GALNTL6: variants seen among roughly 807,000 people sequenced by gnomAD.
The protein encoded by GALNTL6 is polypeptide N-acetylgalactosaminyltransferase like 6, also known as polypeptide N-acetylgalactosaminyltransferase-like 6.
Under a neutral mutation model 73.7 loss-of-function variants are expected in GALNTL6, and 46 were observed. That is an observed-to-expected ratio of 0.62 (90% CI 0.49 to 0.80). The LOEUF (loss-of-function observed/expected upper bound fraction) is 0.80, where lower values mean the gene tolerates loss of function less well. Among genes scored for constraint, GALNTL6 ranks in the 30% least tolerant of loss-of-function variants. GALNTL6 has a pLI of 0.00. For missense variants in GALNTL6, 604 were observed against 755.0 expected, an observed-to-expected ratio of 0.80 and a Z score of 2.34; for synonymous variants, 259 against 263.7, an observed-to-expected ratio of 0.98 and a Z score of 0.17.
chr4:172,127,140 C>T (rs573131184), intron 2 of GALNTL6, among the ~76,000 whole-genome samples: 1 of 152,298 alleles, frequency 6.6e-6, no homozygotes, highest in South Asian at 2.1e-4. Context: ...GCCACTGCCA[C>T]CCCTACTCAA....
chr4:172,609,295 C>G (rs923666846), intron 5 of GALNTL6, among the ~76,000 whole-genome samples: 6 of 152,080 alleles, frequency 3.9e-5, no homozygotes, highest in African/African-American at 1.4e-4. Flanking sequence ...ATAGATGGCT[C>G]TTATTATTCT....
intron 2 of GALNTL6, among the ~76,000 whole-genome samples, chr4:172,217,729 C>G (rs72998360): frequency 0.013 from 1,988 of 152,256 alleles, 42 homozygotes; most frequent in African/African-American, 0.044. Context: ...TCACTGCCCA[C>G]TCATTGCAAA....
intron 5 of GALNTL6, among the ~76,000 whole-genome samples, chr4:172,443,417 C>T (rs866270974): frequency 6.6e-6 from 1 of 151,640 alleles, no homozygotes; most frequent in Non-Finnish European, 1.5e-5. Context: ...CCACCCACCT[C>T]GGCCTCCCAA....
chr4:172,256,670 G>A (rs1404863322), intron 3 of GALNTL6, among the ~76,000 whole-genome samples: 1 of 151,162 alleles, frequency 6.6e-6, no homozygotes, highest in Non-Finnish European at 1.5e-5. Context: ...TCTCTACCCA[G>A]AATATTTTCC....
intron 2 of GALNTL6, among the ~76,000 whole-genome samples, chr4:171,934,443 C>T (rs983565720): frequency 3.9e-5 from 6 of 152,084 alleles, no homozygotes; most frequent in African/African-American, 1.4e-4. Context: ...GTCTCATTCT[C>T]ATTTCCATCA....
At chr4:172,867,715 C>T (rs973728280) in intron 7 of GALNTL6, among the ~76,000 whole-genome samples, 1 of 152,192 alleles carries the variant, frequency 6.6e-6, no homozygotes, top group Admixed American at 6.5e-5. Flanking sequence ...GCCAGACCTC[C>T]CTATCTTTGT....
At chr4:172,477,890 A>C (rs1202933091) in intron 5 of GALNTL6, among the ~76,000 whole-genome samples, 1 of 152,188 alleles carries the variant, frequency 6.6e-6, no homozygotes, top group Admixed American at 6.5e-5. Context: ...GCAGTAGAAA[A>C]AAAACAGGAA....
intron 5 of GALNTL6, among the ~76,000 whole-genome samples, chr4:172,406,265 ATTC>A (rs1202823998): frequency 6.6e-6 from 1 of 152,034 alleles, no homozygotes; most frequent in African/African-American, 2.4e-5. Flanking sequence ...GGCTCAAGCA[ATTC>A]TTCTGCCTCA....
chr4:172,365,103 A>C (rs901649760), intron 5 of GALNTL6, among the ~76,000 whole-genome samples: 1 of 152,240 alleles, frequency 6.6e-6, no homozygotes, highest in East Asian at 1.9e-4. Flanking sequence ...TAAATCTGAG[A>C]GGGGCTTCTG....
chr4:172,851,058 C>T (rs1173806143), intron 7 of GALNTL6, among the ~76,000 whole-genome samples: 1 of 152,134 alleles, frequency 6.6e-6, no homozygotes, highest in African/African-American at 2.4e-5. Flanking sequence ...AGCCCCCCTT[C>T]CTTCTCCAGA....
chr4:172,377,869 G>A (rs556248869), intron 5 of GALNTL6, among the ~76,000 whole-genome samples: 4 of 152,080 alleles, frequency 2.6e-5, no homozygotes, highest in South Asian at 2.1e-4. Context: ...CAGAATTCAC[G>A]CTGGCCCGCG....
chr4:172,110,640 G>T (rs535916923), intron 2 of GALNTL6, among the ~76,000 whole-genome samples: 35 of 152,216 alleles, frequency 2.3e-4, no homozygotes, highest in African/African-American at 8.2e-4. Context: ...AGGATACCTT[G>T]GTTGTACAGA....
chr4:172,054,501 G>A (rs923644586), intron 2 of GALNTL6, among the ~76,000 whole-genome samples: 2 of 152,126 alleles, frequency 1.3e-5, no homozygotes, highest in African/African-American at 4.8e-5. Context: ...AAGGCTTCCA[G>A]CAGGTTCAAT....
intron 2 of GALNTL6, among the ~76,000 whole-genome samples, chr4:171,890,446 A>T (rs1409263737): frequency 6.6e-6 from 1 of 152,136 alleles, no homozygotes; most frequent in Non-Finnish European, 1.5e-5. Flanking sequence ...CTTTATGTAA[A>T]TGACATGTAC....
intron 3 of GALNTL6, among the ~76,000 whole-genome samples, chr4:172,281,697 T>A (rs1739064018): frequency 6.6e-6 from 1 of 152,018 alleles, no homozygotes; most frequent in Non-Finnish European, 1.5e-5. Flanking sequence ...GGCGTCAGAG[T>A]GAGACCTTGT....
chr4:172,035,153 T>C (rs182365037), intron 2 of GALNTL6, among the ~76,000 whole-genome samples: 129 of 152,184 alleles, frequency 8.5e-4, no homozygotes, highest in Middle Eastern at 3.4e-3. Context: ...TATTTCAAAA[T>C]AGTATAAAGT....
At chr4:172,904,475 G>A (rs1206839976) in intron 8 of GALNTL6, among the ~76,000 whole-genome samples, 19 of 152,164 alleles carry the variant, frequency 1.2e-4, no homozygotes, top group Admixed American at 1.2e-3. Context: ...GGATGAGGCT[G>A]TCTCTTCTGG....
intron 5 of GALNTL6, among the ~76,000 whole-genome samples, chr4:172,674,621 T>G (rs1235386812): frequency 6.6e-6 from 1 of 152,200 alleles, no homozygotes; most frequent in African/African-American, 2.4e-5. Flanking sequence ...AGATTTGATC[T>G]CTTTCCATAA....
At chr4:172,078,215 T>TG (rs901848733) in intron 2 of GALNTL6, among the ~76,000 whole-genome samples, 3 of 152,114 alleles carry the variant, frequency 2.0e-5, no homozygotes, top group African/African-American at 7.2e-5. Context: ...GATTGGAACA[T>TG]GGGGGCAGAT....
Sources: allele counts gnomAD v4.1 joint callset (sites outside exome capture counted in the v4.1 genomes callset), GRCh38; gene constraint gnomAD v4.1.1; transcripts MANE v1.5; gene names NCBI Gene and HGNC (gene_info 2026-07-23, HGNC 2026-07-21).